PSTPIP1: variants seen among roughly 807,000 people sequenced by gnomAD.
PSTPIP1 encodes proline-serine-threonine phosphatase interacting protein 1.
In PSTPIP1, 66 loss-of-function variants were observed where a neutral mutation model predicts 69.6. That is an observed-to-expected ratio of 0.95 (90% CI 0.78 to 1.16). The LOEUF is 1.16. PSTPIP1 is among the 50% of genes most tolerant of loss of function. The pLI is 0.00. For missense variants in PSTPIP1, 603 were observed against 557.4 expected (o/e 1.08, Z -0.82); for synonymous variants, 266 against 222.7 (o/e 1.19, Z -1.73).
chr15:77,035,193 T>G (rs974999611), intron 12 of PSTPIP1, among the ~76,000 whole-genome samples: 1 of 152,176 alleles, frequency 6.6e-6, no homozygotes, highest in Non-Finnish European at 1.5e-5. Flanking sequence ...CATGGGAGTC[T>G]TCCAATGAAG....
At chr15:77,023,790 G>A (rs12913937) in intron 3 of PSTPIP1, 60,895 of 152,210 alleles carry the variant, frequency 0.4, 12,572 homozygotes, top group East Asian at 0.65. Flanking sequence ...GGTGGTGTGC[G>A]TAAGGGCTGG....
chr15:77,028,463 A>G lies in PSTPIP1; in HGVS notation c.418-91A>G, dbSNP rs934544126. On this transcript the variant is annotated intron_variant, in intron 6 of 14. Coordinates refer to ENST00000558012, the MANE Select transcript of PSTPIP1 (RefSeq NM_003978.5). The stretch of plus-strand genomic sequence containing the variant: ...ACTCCACCCGCAACCCTCGCCAGGG[A>G]AAAAGGGAGGCTGGGCTAAGGGAGC... 3 of 1,134,330 alleles carry G rather than the reference A, an allele frequency of 2.6e-6. No homozygotes were observed. In the Admixed American group the frequency reaches 8.5e-5, roughly 32 times the overall value. 70.3% of individuals were successfully genotyped at this position (1,134,330 alleles called of 1,614,324 possible).
At chr15:77,034,148 C>T (rs1056713623) in intron 12 of PSTPIP1, among the ~76,000 whole-genome samples, 7 of 151,990 alleles carry the variant, frequency 4.6e-5, no homozygotes, top group African/African-American at 1.2e-4. Context: ...TGGGAAGAGG[C>T]GGGGGTCAGT....
chr15:76,999,374 G>A (rs1355885232), intron 1 of PSTPIP1: 2 of 151,958 alleles, frequency 1.3e-5, no homozygotes, highest in African/African-American at 4.8e-5. Context: ...CGCCTCCTGG[G>A]GTCAGGTGAT....
At chr15:77,000,460 G>GATATATATATATATATATATATAT (rs1045472754) in intron 1 of PSTPIP1, among the ~76,000 whole-genome samples, 4 of 141,686 alleles carry the variant, frequency 2.8e-5, no homozygotes, top group African/African-American at 1.1e-4. Context: ...TTTAAAGAGA[G>GATATATATATATATATATATATAT]ATATATATAT....
chr15:77,017,707 C>T (rs781230646), intron 1 of PSTPIP1, among the ~76,000 whole-genome samples: 5 of 152,212 alleles, frequency 3.3e-5, no homozygotes, highest in African/African-American at 7.2e-5. Flanking sequence ...CCAGCTGGGC[C>T]GCTCTGGATA....
chr15:77,028,548 C>G lies in PSTPIP1; in HGVS notation c.418-6C>G. On this transcript the variant is annotated splice_region_variant and splice_polypyrimidine_tract_variant and intron_variant, in intron 6 of 14. Coordinates refer to ENST00000558012, the MANE Select transcript of PSTPIP1 (RefSeq NM_003978.5). ...GCCCCCAAGTCACGCCCCTCCACAC[C>G]CCCAGTCCAAGAAGACATACGAGCA... is the stretch of plus-strand genomic sequence containing the variant. The G allele has an allele frequency of 6.3e-7, 1 of 1,596,188 alleles. No homozygotes were observed.
chr15:77,033,111 G>T (rs186070824), intron 12 of PSTPIP1, among the ~76,000 whole-genome samples, 159 bp downstream of exon 12: 186 of 152,272 alleles, frequency 1.2e-3, no homozygotes, highest in Admixed American at 3.6e-3. Flanking sequence ...GACAAGATAG[G>T]CTCAGTTCAG....
intron 5 of PSTPIP1, chr15:77,026,127 C>G: frequency 2.2e-6 from 1 of 456,116 alleles, no homozygotes; most frequent in Non-Finnish European, 4.4e-6. Flanking sequence ...GCATGGCTGT[C>G]CCGAGACAGA....
Position 77,037,339 on chromosome 15 carries a change from G to A in PSTPIP1, c.*163G>A. ...AGGAGTGCGTTCTGTTCTCCTTGGT[G>A]TGCTGGGGTCCCGTTCTCTTTTTCT... On this transcript the variant is annotated 3_prime_UTR_variant, in exon 15 of 15. Transcript: ENST00000558012. The A allele has an allele frequency of 1.1e-6, 1 of 914,934 alleles. No homozygotes were observed. The highest frequency in any genetic ancestry group is 1.6e-6 in the Non-Finnish European group (1 of 634,744). 56.7% of individuals were successfully genotyped at this position (914,934 alleles called of 1,614,324 possible). A position where few individuals can be genotyped will look rare whatever the true frequency, so the allele number is the denominator to read the frequency against.
intron 1 of PSTPIP1, among the ~76,000 whole-genome samples, chr15:77,014,238 T>C (rs1183934801): frequency 6.6e-6 from 1 of 152,210 alleles, no homozygotes; most frequent in East Asian, 1.9e-4. Flanking sequence ...TCATCACCCC[T>C]AGCCCAGTAT....
intron 1 of PSTPIP1, among the ~76,000 whole-genome samples, chr15:77,008,266 C>T (rs2075860643): frequency 6.6e-6 from 1 of 152,096 alleles, no homozygotes; most frequent in Non-Finnish European, 1.5e-5. Context: ...TGGCTGGTGC[C>T]AGGACCAAGG....
chr15:77,024,840 G>A (rs1450233625), intron 3 of PSTPIP1, among the ~76,000 whole-genome samples: 1 of 149,524 alleles, frequency 6.7e-6, no homozygotes, highest in Admixed American at 6.7e-5. Context: ...AACATCCCCC[G>A]GGCCACCTGC....
Position 77,032,351 on chromosome 15 carries a change from C to G in PSTPIP1, c.795C>G (p.Ile265Met). 6.2e-7 allele frequency: 1 copy of G among 1,612,662 alleles called. No individual in the cohort carries two copies. The highest frequency in any genetic ancestry group is 2.2e-5 in the East Asian group (1 of 44,882). Residue 265 changes from isoleucine (I) to methionine (M), a missense_variant, in exon 11 of 15, where the codon ATC becomes ATG. Coordinates refer to ENST00000558012, the MANE Select transcript of PSTPIP1 (RefSeq NM_003978.5). ...AAGGCTGCAGCATAGACGCCGACATCGACAGTTTCATCCAGGCCAAGAGCA... is the reference window on the plus strand; with the variant it reads ...AAGGCTGCAGCATAGACGCCGACATGGACAGTTTCATCCAGGCCAAGAGCA... ...TLEGCSIDAD[I>M]DSFIQAKSTG...
At chr15:77,021,689 A>G (rs890971139) in intron 3 of PSTPIP1, among the ~76,000 whole-genome samples, 1 of 152,064 alleles carries the variant, frequency 6.6e-6, no homozygotes, top group African/African-American at 2.4e-5. Flanking sequence ...AAAAAAAAAG[A>G]TAGTGTTAGT....
chr15:77,032,613 A>T, intron 11 of PSTPIP1: 1 of 626,892 alleles, frequency 1.6e-6, no homozygotes, highest in Non-Finnish European at 2.8e-6. Flanking sequence ...AGAGGTGGGG[A>T]TGGGGATTGA....
intron 14 of PSTPIP1, among the ~76,000 whole-genome samples, chr15:77,036,554 T>C: frequency 6.6e-6 from 1 of 152,132 alleles, no homozygotes; most frequent in East Asian, 1.9e-4. Context: ...CACATCCACC[T>C]GGACTGAGGC....
rs1568526444 is a variant in PSTPIP1 at position 77,035,497 on chromosome 15, C to T, written c.930-11C>T. On this transcript the variant is annotated splice_polypyrimidine_tract_variant and intron_variant, in intron 12 of 14. Coordinates refer to ENST00000558012, the MANE Select transcript of PSTPIP1 (RefSeq NM_003978.5). ...GCGGGGACACTCACCCTCTTTCCTC[C>T]CTGTTCCCAGGTTCTCTGGACTGCT... The T allele has an allele frequency of 1.3e-6, 2 of 1,586,122 alleles. No homozygotes were observed. The highest frequency in any genetic ancestry group is 4.6e-5 in the East Asian group (2 of 43,476).
At chr15:77,034,970 G>C (rs2076521200) in intron 12 of PSTPIP1, among the ~76,000 whole-genome samples, 1 of 152,252 alleles carries the variant, frequency 6.6e-6, no homozygotes, top group African/African-American at 2.4e-5. Flanking sequence ...GAGCTGGCCT[G>C]ATCACCGTGG....
Sources: allele counts gnomAD v4.1 joint callset (sites outside exome capture counted in the v4.1 genomes callset), GRCh38; gene constraint gnomAD v4.1.1; transcripts MANE v1.5; gene names NCBI Gene and HGNC (gene_info 2026-07-23, HGNC 2026-07-21).